Variants in KLK2 observed in about 807,000 individuals in gnomAD.
KLK2 encodes kallikrein related peptidase 2.
A neutral mutation model predicts 23.0 loss-of-function variants in KLK2; 17 were observed. The observed-to-expected ratio is 0.74, with a 90% CI of 0.51 to 1.11. KLK2 has a LOEUF of 1.11. Among genes scored for constraint, KLK2 ranks in the 50% least tolerant of loss-of-function variants. KLK2 has a pLI of 0.00. For synonymous variants in KLK2, 140 were observed against 124.7 expected (o/e 1.12, Z -0.82); for missense variants, 330 against 325.9 (o/e 1.01, Z -0.10).
rs181964713 is a variant in KLK2 at position 50,875,762 on chromosome 19, G to A, written c.207-710G>A. 2.9e-3 allele frequency: 439 copies of A among 153,282 alleles called. 1 individual carries two copies. The highest frequency in any genetic ancestry group is 9.6e-3 in the African/African-American group (399 of 41,538). 9.5% of individuals were successfully genotyped at this position (153,282 alleles called of 1,614,324 possible). A position where few individuals can be genotyped will look rare whatever the true frequency, so the allele number is the denominator to read the frequency against. ...TGCAGTGAGCCGAGATCGTGCCACT[G>A]CACTCCAGCCTGGGTGACAGAGCAA... is the stretch of plus-strand genomic sequence containing the variant. On this transcript the variant is annotated intron_variant, in intron 2 of 4. Coordinates refer to ENST00000325321, the MANE Select transcript of KLK2 (RefSeq NM_005551.5).
chr19:50,879,552 T>C lies in KLK2; in HGVS notation c.*993T>C, dbSNP rs909646702. 1 of 230,434 alleles carries C rather than the reference T, an allele frequency of 4.3e-6. No homozygotes were observed. The highest frequency in any genetic ancestry group is 6.2e-5 in the East Asian group (1 of 16,222). The allele number at this position is 230,434 out of a possible 1,614,324, so 14.3% of individuals were successfully genotyped here. A position where few individuals can be genotyped will look rare whatever the true frequency, so the allele number is the denominator to read the frequency against. ...CTCCCTGCAAGGATGTATGATAATATGTACAAAGTAATTCCAACTGAGGAA... is the reference window on the plus strand; with the variant it reads ...CTCCCTGCAAGGATGTATGATAATACGTACAAAGTAATTCCAACTGAGGAA... On this transcript the variant is annotated 3_prime_UTR_variant, in exon 5 of 5. Transcript: ENST00000325321.
chr19:50,873,532 G>T lies in KLK2; in HGVS notation c.46+13G>T. On this transcript the variant is annotated intron_variant, in intron 1 of 4. Transcript: ENST00000325321. ...GTGGGGTGCACTGGTGAGATTGGGG[G>T]GATAAAGGAAGGGGGGCGGGTTCTG... 7.4e-7 allele frequency: 1 copy of T among 1,348,394 alleles called. No individual in the cohort carries two copies. The highest frequency in any genetic ancestry group is 1.1e-6 in the Non-Finnish European group (1 of 943,978). The allele number at this position is 1,348,394 out of a possible 1,614,324, so 83.5% of individuals were successfully genotyped here. A position where few individuals can be genotyped will look rare whatever the true frequency, so the allele number is the denominator to read the frequency against.
At chr19:50,877,160 C>G (rs1484238723) in intron 4 of KLK2, 152 bp downstream of exon 4, 1 of 909,790 alleles carries the variant, frequency 1.1e-6, no homozygotes. Flanking sequence ...CGCCCTCCTT[C>G]CCCCTTCCCT....
At chr19:50,874,479 A>C (rs978137430) in intron 1 of KLK2, 16 of 421,472 alleles carry the variant, frequency 3.8e-5, no homozygotes, top group African/African-American at 3.1e-4. Context: ...CATGTCCCCT[A>C]CTCTGATCTC....
Position 50,874,779 on chromosome 19 carries a change from C to G in KLK2, c.105C>G (p.Ser35=). 6.2e-7 allele frequency: 1 copy of G among 1,613,518 alleles called. No homozygotes were observed. Among genetic ancestry groups the G allele is most frequent in the South Asian group, 1.1e-5 (1 of 91,028 alleles). The change falls in exon 2 of 5, where the codon TCC becomes TCG. Residue 35 remains serine, a synonymous_variant. Transcript: ENST00000325321. The stretch of plus-strand genomic sequence containing the variant: ...GAGGCTGGGAGTGTGAGAAGCATTC[C>G]CAACCCTGGCAGGTGGCTGTGTACA... ...IVGGWECEKH[S]QPWQVAVYSH...
Position 50,879,841 on chromosome 19 carries a change from A to G in KLK2, c.*1282A>G. The G allele has an allele frequency of 4.4e-6, 1 of 229,840 alleles. No homozygotes were observed. The highest frequency in any genetic ancestry group is 1.8e-4 in the South Asian group (1 of 5,506). 14.2% of individuals were successfully genotyped at this position (229,840 alleles called of 1,614,324 possible). On this transcript the variant is annotated 3_prime_UTR_variant, in exon 5 of 5. Transcript: ENST00000325321. ...GCCAAGGAATCAAATGTCATCTCCC[A>G]GGAGTTATTCAAGGGTGAGCCCTTT...
rs1485990946 is a variant in KLK2, at chr19:50,874,833, C to G, written c.159C>G (p.Val53=). Residue 53 remains valine (V), a synonymous_variant, in exon 2 of 5, where the codon GTC becomes GTG. Transcript: ENST00000325321. ...YSHGWAHCGG[V]LVHPQWVLTA... ...ATGGATGGGCACACTGTGGGGGTGT[C>G]CTGGTGCACCCCCAGTGGGTGCTCA... The G allele has an allele frequency of 6.2e-7, 1 of 1,613,620 alleles. No homozygotes were observed. Among genetic ancestry groups the G allele is most frequent in the East Asian group, 2.2e-5 (1 of 44,824 alleles).
chr19:50,876,218 T>C, intron 2 of KLK2: 1 of 552,942 alleles, frequency 1.8e-6, no homozygotes, highest in East Asian at 3.0e-5. Context: ...CCCTTCTGTT[T>C]TTGTCATTCC....
intron 1 of KLK2, 45 bp from the exon 2 acceptor site, chr19:50,874,676 A>C (rs368218113): frequency 9.0e-6 from 14 of 1,564,202 alleles, no homozygotes; most frequent in Non-Finnish European, 3.5e-6. Context: ...TCCCCTATCC[A>C]ATTCTTTTGG....
At chr19:50,873,819 A>C in intron 1 of KLK2, 1 of 423,426 alleles carries the variant, frequency 2.4e-6, no homozygotes. Context: ...CCTTTCAAGG[A>C]CCTCTCTCCA....
In KLK2 at chr19:50,874,791, G is replaced by A; in HGVS notation, c.117G>A (p.Gln39=). 4 of 1,613,744 alleles carry A rather than the reference G, an allele frequency of 2.5e-6. No homozygotes were observed. The highest frequency in any genetic ancestry group is 3.4e-6 in the Non-Finnish European group (4 of 1,179,924). ...WECEKHSQPW[Q]VAVYSHGWAH... is the part of the protein sequence containing the mutation. Reference sequence around the variant, plus strand: ...GTGAGAAGCATTCCCAACCCTGGCAGGTGGCTGTGTACAGTCATGGATGGG... The same window carrying A: ...GTGAGAAGCATTCCCAACCCTGGCAAGTGGCTGTGTACAGTCATGGATGGG... Residue 39 remains glutamine (Q), a synonymous_variant, in exon 2 of 5, where the codon CAG becomes CAA. Transcript: ENST00000325321.
Position 50,879,758 on chromosome 19 carries a change from A to T in KLK2, c.*1199A>T, listed in dbSNP as rs1343740033. ...ATTCATCACAAATCCCATCTTTAGC[A>T]TGAAGGGTCTGGCATGGCCCAAGGC... On this transcript the variant is annotated 3_prime_UTR_variant, in exon 5 of 5. Coordinates refer to ENST00000325321, the MANE Select transcript of KLK2 (RefSeq NM_005551.5). 1 of 229,662 alleles carries T rather than the reference A, an allele frequency of 4.4e-6. No homozygotes were observed. Among genetic ancestry groups the T allele is most frequent in the Middle Eastern group, 1.3e-3 (1 of 788 alleles). 14.2% of individuals were successfully genotyped at this position (229,662 alleles called of 1,614,324 possible).
intron 2 of KLK2, chr19:50,876,130 C>G: frequency 2.0e-5 from 6 of 304,420 alleles, no homozygotes; most frequent in Non-Finnish European, 2.5e-5. Context: ...TGGTTCTGTT[C>G]TTTCTCCCTT....
chr19:50,877,827 G>C (rs8108845), intron 4 of KLK2: 40,467 of 154,240 alleles, frequency 0.26, 5,414 homozygotes, highest in Middle Eastern at 0.3. Flanking sequence ...GGGTTGTGGG[G>C]GGAGTGACGA....
In KLK2 at chr19:50,876,893, A is replaced by AGT. The variant is rs1568503844; in HGVS notation, c.521_522dup (p.Ser175Ter). 6.2e-7 allele frequency: 1 copy of AGT among 1,614,104 alleles called. No homozygotes were observed. Among genetic ancestry groups the AGT allele is most frequent in the Non-Finnish European group, 8.5e-7 (1 of 1,179,990 alleles). The stretch of plus-strand genomic sequence containing the variant: ...ATAGTCTTGCGCCCCAGGAGTCTTC[A>AGT]GTGTGTGAGCCTCCATCTCCTGTCC... On this transcript the variant is annotated frameshift_variant, in exon 4 of 5. Transcript: ENST00000325321. LOFTEE classifies it high-confidence loss of function.
At chr19:50,877,516 G>C (rs1244134047) in intron 4 of KLK2, 1 of 170,346 alleles carries the variant, frequency 5.9e-6, no homozygotes, top group African/African-American at 2.4e-5. Flanking sequence ...GCACCTGGGG[G>C]AGCAGAGGGA....
chr19:50,878,316 T>C (rs2090310084), intron 4 of KLK2, 88 bp from the exon 5 acceptor site: 2 of 1,294,710 alleles, frequency 1.5e-6, no homozygotes, highest in Non-Finnish European at 2.1e-6. Flanking sequence ...CTCTCAGTCA[T>C]CTGCCTGCGC....
intron 4 of KLK2, 65 bp downstream of exon 4, chr19:50,877,073 C>T (rs756241659): frequency 8.7e-6 from 14 of 1,607,566 alleles, no homozygotes; most frequent in Non-Finnish European, 1.2e-5. Context: ...TTCTGGGCTG[C>T]AATCTGAAAG....
chr19:50,873,495 A>C lies in KLK2; in HGVS notation c.22A>C (p.Ile8Leu). Residue 8 changes from isoleucine (I) to leucine (L), a missense_variant, in exon 1 of 5, where the codon ATC (isoleucine) becomes CTC (leucine). Ile to Leu is a conservative substitution (Grantham distance 5). Coordinates refer to ENST00000325321, the MANE Select transcript of KLK2 (RefSeq NM_005551.5). MWDLVLS[I>L]ALSVGCTGAV... ...CAGCATGTGGGACCTGGTTCTCTCC[A>C]TCGCCTTGTCTGTGGGGTGCACTGG... is the stretch of plus-strand genomic sequence containing the variant. The C allele has an allele frequency of 6.2e-7, 1 of 1,602,040 alleles. No individual in the cohort carries two copies. The highest frequency in any genetic ancestry group is 8.5e-7 in the Non-Finnish European group (1 of 1,173,010).
Sources: gnomAD v4.1 joint callset for allele counts on GRCh38, gnomAD v4.1.1 for gene constraint, MANE v1.5 for transcripts, NCBI Gene and HGNC (gene_info 2026-07-23, HGNC 2026-07-21) for gene names.